Variants in TMEM117 observed in about 807,000 individuals in gnomAD.
The protein encoded by TMEM117 is transmembrane protein 117.
Under a neutral mutation model 52.4 loss-of-function variants are expected in TMEM117, and 27 were observed. The ratio of observed to expected loss-of-function variants is 0.51; its 90% CI spans 0.38 to 0.71. TMEM117 has a LOEUF of 0.71. Ranked by LOEUF, TMEM117 falls within the 30% of genes least tolerant of loss-of-function variation. The pLI, the probability that TMEM117 is intolerant of heterozygous loss-of-function variation, is 0.00. For synonymous variants in TMEM117, 215 were observed against 206.3 expected (o/e 1.04, Z -0.36); for missense variants, 556 against 630.5 (o/e 0.88, Z 1.26).
intron 5 of TMEM117, among the ~76,000 whole-genome samples, chr12:44,247,918 T>C (rs550824744): frequency 6.2e-4 from 95 of 152,288 alleles, no homozygotes; most frequent in Non-Finnish European, 1.2e-3. Context: ...GTGGAACCTC[T>C]TATGCCAGGC....
intron 3 of TMEM117, among the ~76,000 whole-genome samples, chr12:44,054,413 C>A (rs1400195764): frequency 2.0e-5 from 3 of 152,058 alleles, no homozygotes; most frequent in Non-Finnish European, 4.4e-5. Context: ...TTGCAAATCC[C>A]CCTGAATATA....
intron 2 of TMEM117, among the ~76,000 whole-genome samples, chr12:43,907,139 C>G (rs1944406184): frequency 6.6e-6 from 1 of 152,230 alleles, no homozygotes; most frequent in Non-Finnish European, 1.5e-5. Context: ...CAGCACGCAG[C>G]TGGAGATCTG....
intron 4 of TMEM117, among the ~76,000 whole-genome samples, chr12:44,166,142 A>G (rs1233338805): frequency 1.3e-5 from 2 of 152,220 alleles, no homozygotes; most frequent in Admixed American, 1.3e-4. Flanking sequence ...AGAAGAAATT[A>G]AGAAGGAAAT....
intron 3 of TMEM117, among the ~76,000 whole-genome samples, chr12:44,104,410 T>C (rs1459595958): frequency 6.6e-6 from 1 of 151,862 alleles, no homozygotes; most frequent in African/African-American, 2.4e-5. Context: ...AACTGGTAAT[T>C]AGGGTTTTTT....
chr12:44,246,000 A>G (rs536478917), intron 5 of TMEM117, among the ~76,000 whole-genome samples: 7 of 152,222 alleles, frequency 4.6e-5, no homozygotes, highest in Non-Finnish European at 1.0e-4. Context: ...TACTTGTTCT[A>G]AATTAGGTTA....
chr12:44,121,691 G>A (rs1565837006), intron 3 of TMEM117, among the ~76,000 whole-genome samples: 2 of 152,120 alleles, frequency 1.3e-5, no homozygotes, highest in Non-Finnish European at 2.9e-5. Flanking sequence ...ATTATATACA[G>A]ATTATTTTTC....
chr12:44,311,797 GTA>G (rs1298160714), intron 6 of TMEM117, among the ~76,000 whole-genome samples: 3 of 22,194 alleles, frequency 1.4e-4, no homozygotes, highest in South Asian at 9.3e-3. Context: ...GTATATATAT[GTA>G]TATATGTATA....
chr12:44,353,170 G>C (rs1041098830), intron 6 of TMEM117, among the ~76,000 whole-genome samples: 1 of 151,968 alleles, frequency 6.6e-6, no homozygotes, highest in African/African-American at 2.4e-5. Context: ...AAATTTGTTT[G>C]AGTTCATTGT....
intron 2 of TMEM117, among the ~76,000 whole-genome samples, chr12:43,856,173 T>C (rs1253577637): frequency 6.6e-6 from 1 of 152,208 alleles, no homozygotes; most frequent in African/African-American, 2.4e-5. Context: ...GGAAATTATT[T>C]GAACAGACGC....
chr12:44,283,549 A>G (rs1028167486), intron 5 of TMEM117, among the ~76,000 whole-genome samples: 3 of 152,080 alleles, frequency 2.0e-5, no homozygotes, highest in Non-Finnish European at 4.4e-5. Flanking sequence ...GTTTTGGCCA[A>G]TTTCTCCCAT....
chr12:43,848,083 T>C (rs914013017), intron 2 of TMEM117, among the ~76,000 whole-genome samples: 2 of 152,038 alleles, frequency 1.3e-5, no homozygotes, highest in African/African-American at 4.8e-5. Flanking sequence ...GCAGAAGCAC[T>C]GATAAGGGTC....
chr12:44,152,527 TATTTATATCATATAAATTTTTATATATA>T, intron 4 of TMEM117, among the ~76,000 whole-genome samples: 1 of 119,776 alleles, frequency 8.3e-6, no homozygotes, highest in African/African-American at 3.4e-5. Context: ...TTTATATATA[TATTTATATCATATAAATTTTTATATATA>T]ATATTTATAT....
At chr12:43,995,296 C>T (rs1451229518) in intron 3 of TMEM117, among the ~76,000 whole-genome samples, 1 of 151,904 alleles carries the variant, frequency 6.6e-6, no homozygotes, top group Admixed American at 6.6e-5. Flanking sequence ...TTGCTGAAGA[C>T]CGCAGAGCTT....
chr12:44,223,197 T>G (rs890830322), intron 5 of TMEM117, among the ~76,000 whole-genome samples: 4 of 152,082 alleles, frequency 2.6e-5, no homozygotes, highest in African/African-American at 9.7e-5. Context: ...CTCTCCCTCT[T>G]CCTACCCTCC....
chr12:44,278,829 C>T (rs1169836127), intron 5 of TMEM117, among the ~76,000 whole-genome samples: 1 of 152,158 alleles, frequency 6.6e-6, no homozygotes, highest in African/African-American at 2.4e-5. Context: ...CAGATGTATC[C>T]ACTTCCTCAC....
chr12:43,886,055 T>C (rs1355303367), intron 2 of TMEM117, among the ~76,000 whole-genome samples: 1 of 152,218 alleles, frequency 6.6e-6, no homozygotes, highest in East Asian at 1.9e-4. Flanking sequence ...TATCATATTA[T>C]ATATCCCATA....
At chr12:43,957,007 C>T (rs537317211) in intron 3 of TMEM117, among the ~76,000 whole-genome samples, 1 of 152,110 alleles carries the variant, frequency 6.6e-6, no homozygotes, top group African/African-American at 2.4e-5. Context: ...TTTGTAGGGA[C>T]ATGGATGAAG....
chr12:43,868,689 T>C (rs1190495793), intron 2 of TMEM117, among the ~76,000 whole-genome samples: 2 of 152,032 alleles, frequency 1.3e-5, no homozygotes, highest in Admixed American at 1.3e-4. Context: ...ATGTATGAGA[T>C]GTGACAAAAC....
At chr12:44,230,279 A>G (rs1014716672) in intron 5 of TMEM117, among the ~76,000 whole-genome samples, 1 of 152,050 alleles carries the variant, frequency 6.6e-6, no homozygotes, top group Non-Finnish European at 1.5e-5. Flanking sequence ...ATGGTGATCA[A>G]ATTAGCTTGG....
Sources: gnomAD v4.1 joint callset for allele counts (sites outside exome capture counted in the v4.1 genomes callset) on GRCh38, gnomAD v4.1.1 for gene constraint, MANE v1.5 for transcripts, NCBI Gene and HGNC (gene_info 2026-07-23, HGNC 2026-07-21) for gene names.